The following NOL4 variants were observed in gnomAD, a reference collection of about 807,000 sequenced individuals.
NOL4 encodes nucleolar protein 4.
A neutral mutation model predicts 75.9 loss-of-function variants in NOL4; 17 were observed. The observed-to-expected ratio is 0.22, with a 90% confidence interval of 0.15 to 0.34. The LOEUF (loss-of-function observed/expected upper bound fraction) is 0.34. Among genes scored for constraint, NOL4 ranks in the 10% least tolerant of loss-of-function variants. The pLI is 1.00. For missense variants in NOL4, 614 were observed against 793.5 expected (o/e 0.77, Z 2.72); for synonymous variants, 292 against 289.9 (o/e 1.01, Z -0.07).
intron 9 of NOL4, among the ~76,000 whole-genome samples, chr18:33,911,666 A>G (rs2066414950): frequency 6.6e-6 from 1 of 151,944 alleles, no homozygotes; most frequent in South Asian, 2.1e-4. Flanking sequence ...CTTCTATACT[A>G]TGTCTTGCTT....
chr18:34,027,385 T>TCTGG (rs1301911604), intron 5 of NOL4, among the ~76,000 whole-genome samples: 1 of 152,194 alleles, frequency 6.6e-6, no homozygotes, highest in Non-Finnish European at 1.5e-5. Context: ...GGGGTTAATG[T>TCTGG]CTGGAGGTAC....
chr18:34,217,079 C>T (rs763287504), intron 1 of NOL4, among the ~76,000 whole-genome samples: 6 of 151,848 alleles, frequency 4.0e-5, no homozygotes, highest in South Asian at 2.1e-4. Context: ...AATTAGCTTA[C>T]GGTGATTATA....
At chr18:34,057,760 A>G (rs897813232) in intron 5 of NOL4, among the ~76,000 whole-genome samples, 1 of 152,216 alleles carries the variant, frequency 6.6e-6, no homozygotes, top group Non-Finnish European at 1.5e-5. Context: ...TCTCAGCTCT[A>G]GTTGCACATT....
At chr18:34,125,966 C>T (rs1469904205) in intron 2 of NOL4, among the ~76,000 whole-genome samples, 1 of 107,334 alleles carries the variant, frequency 9.3e-6, no homozygotes. Flanking sequence ...ACAGGATGCA[C>T]CAAAAAAAAA....
intron 9 of NOL4, among the ~76,000 whole-genome samples, chr18:33,889,490 C>G (rs896915983): frequency 2.6e-5 from 4 of 152,080 alleles, no homozygotes; most frequent in African/African-American, 9.7e-5. Flanking sequence ...TCTTCTGAAA[C>G]TATTTCAATC....
chr18:34,019,969 G>A (rs2074944282), intron 5 of NOL4, among the ~76,000 whole-genome samples: 1 of 151,610 alleles, frequency 6.6e-6, no homozygotes, highest in African/African-American at 2.4e-5. Context: ...TTTAAAAAGA[G>A]CCTGGCACCT....
chr18:34,093,720 T>G (rs1336637760), intron 4 of NOL4, 123 bp from the exon 5 acceptor site: 1 of 707,974 alleles, frequency 1.4e-6, no homozygotes, highest in Non-Finnish European at 2.2e-6. Context: ...CAGAAAAATA[T>G]GTTACAAACT....
At chr18:34,088,673 C>T (rs141784847) in intron 5 of NOL4, among the ~76,000 whole-genome samples, 2,162 of 152,084 alleles carry the variant, frequency 0.014, 20 homozygotes, top group Non-Finnish European at 0.021. Flanking sequence ...GTATATATAA[C>T]CTTTAAATGA....
chr18:34,113,648 A>C (rs1275853107), intron 2 of NOL4, among the ~76,000 whole-genome samples: 1 of 152,014 alleles, frequency 6.6e-6, no homozygotes, highest in Non-Finnish European at 1.5e-5. Flanking sequence ...TAAAAAAAAA[A>C]AATTAAAACA....
At chr18:33,954,932 A>C (rs2069533504) in intron 8 of NOL4, among the ~76,000 whole-genome samples, 1 of 152,070 alleles carries the variant, frequency 6.6e-6, no homozygotes. Flanking sequence ...GATGCAATTA[A>C]AAATAAAGAT....
At chr18:34,136,737 T>C (rs921266768) in intron 1 of NOL4, among the ~76,000 whole-genome samples, 39 of 152,062 alleles carry the variant, frequency 2.6e-4, no homozygotes, top group Admixed American at 3.3e-4. Flanking sequence ...TAGAAGACAA[T>C]ATAAACCTTA....
intron 1 of NOL4, among the ~76,000 whole-genome samples, chr18:34,141,991 A>C (rs1439703137): frequency 6.6e-6 from 1 of 152,186 alleles, no homozygotes; most frequent in African/African-American, 2.4e-5. Flanking sequence ...TACAAAAAAA[A>C]CAAACAACCC....
intron 6 of NOL4, among the ~76,000 whole-genome samples, chr18:33,992,393 C>CA (rs2146122148): frequency 6.6e-6 from 1 of 152,074 alleles, no homozygotes; most frequent in South Asian, 2.1e-4. Flanking sequence ...TCTGTAGACC[C>CA]ATACCTCAGC....
intron 1 of NOL4, among the ~76,000 whole-genome samples, chr18:34,152,282 A>T (rs2081675580): frequency 6.6e-6 from 1 of 151,928 alleles, no homozygotes; most frequent in African/African-American, 2.4e-5. Flanking sequence ...GGGCCACAAG[A>T]CTTGAAACAG....
At chr18:33,992,716 G>A (rs1001262615) in intron 6 of NOL4, among the ~76,000 whole-genome samples, 5 of 151,962 alleles carry the variant, frequency 3.3e-5, no homozygotes, top group Non-Finnish European at 5.9e-5. Flanking sequence ...CAAGTTCTAG[G>A]TAAATGTAGT....
intron 5 of NOL4, among the ~76,000 whole-genome samples, chr18:34,081,914 T>C (rs1004685182): frequency 1.3e-5 from 2 of 152,186 alleles, no homozygotes; most frequent in Non-Finnish European, 2.9e-5. Context: ...GGTTTCCTAC[T>C]CCTGTTTTAG....
intron 9 of NOL4, among the ~76,000 whole-genome samples, chr18:33,931,367 T>G (rs1326029776): frequency 6.6e-6 from 1 of 152,092 alleles, no homozygotes; most frequent in African/African-American, 2.4e-5. Flanking sequence ...GGGGAAAAGT[T>G]TACTACAAGC....
chr18:33,865,572 T>G, intron 10 of NOL4, among the ~76,000 whole-genome samples: 1 of 152,088 alleles, frequency 6.6e-6, no homozygotes. Flanking sequence ...AAAAAAAAAC[T>G]ACATTTTATT....
At chr18:33,954,329 A>T (rs1180958513) in intron 8 of NOL4, among the ~76,000 whole-genome samples, 1 of 152,110 alleles carries the variant, frequency 6.6e-6, no homozygotes, top group African/African-American at 2.4e-5. Flanking sequence ...GAATCCATAG[A>T]TGCAGACCTT....
Sources: gnomAD v4.1 joint callset for allele counts (sites outside exome capture counted in the v4.1 genomes callset) on GRCh38, gnomAD v4.1.1 for gene constraint, MANE v1.5 for transcripts, NCBI Gene and HGNC (gene_info 2026-07-23, HGNC 2026-07-21) for gene names.